Variants in ZNF385D observed in about 807,000 individuals in gnomAD.
The protein encoded by ZNF385D is zinc finger protein 659.
ZNF385D carries 15 observed loss-of-function variants against 35.8 expected under a neutral mutation model. The observed-to-expected ratio is 0.42, with a 90% CI of 0.28 to 0.64. The LOEUF (loss-of-function observed/expected upper bound fraction) is 0.64, where lower values mean the gene tolerates loss of function less well. Among genes scored for constraint, ZNF385D ranks in the 30% least tolerant of loss-of-function variants. The pLI is 0.23. For missense variants in ZNF385D, 474 were observed against 494.6 expected, an observed-to-expected ratio of 0.96 and a Z score of 0.39; for synonymous variants, 212 against 186.8, an observed-to-expected ratio of 1.13 and a Z score of -1.10.
chr3:21,518,761 C>A (rs1033911360), intron 3 of ZNF385D, among the ~76,000 whole-genome samples: 2 of 151,992 alleles, frequency 1.3e-5, no homozygotes, highest in Non-Finnish European at 2.9e-5. Context: ...TTTAACAAAA[C>A]ATTTGAAGAA....
At chr3:22,291,643 G>C (rs1020775092) in intron 2 of ZNF385D, among the ~76,000 whole-genome samples, 1 of 151,786 alleles carries the variant, frequency 6.6e-6, no homozygotes, top group African/African-American at 2.4e-5. Context: ...TTGTTTTACT[G>C]TATTACCAAG....
intron 3 of ZNF385D, among the ~76,000 whole-genome samples, chr3:22,156,276 G>A (rs890516452): frequency 1.3e-5 from 2 of 152,002 alleles, no homozygotes; most frequent in Non-Finnish European, 2.9e-5. Flanking sequence ...GAAGTAATTT[G>A]GAATAAAGTA....
At chr3:21,821,832 C>T (rs1039603852) in intron 3 of ZNF385D, among the ~76,000 whole-genome samples, 3 of 151,774 alleles carry the variant, frequency 2.0e-5, no homozygotes, top group African/African-American at 4.8e-5. Context: ...CACGGTAGCA[C>T]GTTCCTGCCT....
chr3:22,177,390 A>T (rs1327344419), intron 2 of ZNF385D, among the ~76,000 whole-genome samples: 1 of 152,184 alleles, frequency 6.6e-6, no homozygotes, highest in Non-Finnish European at 1.5e-5. Context: ...ATATCTGGTG[A>T]AAAGTTATGC....
intron 3 of ZNF385D, among the ~76,000 whole-genome samples, chr3:22,136,227 T>C (rs1048032790): frequency 6.6e-6 from 1 of 151,990 alleles, no homozygotes; most frequent in African/African-American, 2.4e-5. Flanking sequence ...CTACTAAAAA[T>C]TAAAAACAAA....
intron 2 of ZNF385D, among the ~76,000 whole-genome samples, chr3:21,582,753 T>TTTTATTTA (rs34190489): frequency 1.9e-4 from 29 of 150,724 alleles, no homozygotes; most frequent in Non-Finnish European, 2.8e-4. Context: ...TTTTTAACAC[T>TTTTATTTA]TTTATTTATT....
intron 1 of ZNF385D, among the ~76,000 whole-genome samples, chr3:21,673,213 A>G (rs2066627506): frequency 6.6e-6 from 1 of 152,168 alleles, no homozygotes; most frequent in Non-Finnish European, 1.5e-5. Context: ...TGACAGTCAC[A>G]TGTGACTATT....
At chr3:21,468,875 A>G (rs1359906636) in intron 4 of ZNF385D, among the ~76,000 whole-genome samples, 3 of 152,032 alleles carry the variant, frequency 2.0e-5, no homozygotes, top group Non-Finnish European at 2.9e-5. Flanking sequence ...ATTGCAGTGA[A>G]CCGAGATCGT....
intron 3 of ZNF385D, among the ~76,000 whole-genome samples, chr3:21,971,808 A>AGTGGC (rs1191205338): frequency 3.3e-5 from 5 of 151,986 alleles, no homozygotes; most frequent in Non-Finnish European, 5.9e-5. Flanking sequence ...AAAGAGCAGG[A>AGTGGC]GTGGCTATCC....
chr3:21,982,283 C>G (rs993024772), intron 3 of ZNF385D, among the ~76,000 whole-genome samples: 1 of 151,954 alleles, frequency 6.6e-6, no homozygotes, highest in Non-Finnish European at 1.5e-5. Flanking sequence ...TGGTAGAGAT[C>G]TTGCACCTCC....
chr3:21,547,009 CCT>C (rs1324771789), intron 3 of ZNF385D, among the ~76,000 whole-genome samples: 1 of 152,018 alleles, frequency 6.6e-6, no homozygotes. Context: ...CACTTGCTCC[CCT>C]CTTTCTAAAT....
At chr3:22,274,755 T>A (rs1210439356) in intron 2 of ZNF385D, among the ~76,000 whole-genome samples, 1 of 151,810 alleles carries the variant, frequency 6.6e-6, no homozygotes, top group Non-Finnish European at 1.5e-5. Context: ...CAAATAAATA[T>A]TGCGGCTTGG....
At chr3:22,229,025 T>G (rs1469741823) in intron 2 of ZNF385D, among the ~76,000 whole-genome samples, 1 of 152,232 alleles carries the variant, frequency 6.6e-6, no homozygotes, top group African/African-American at 2.4e-5. Flanking sequence ...CTCCTCAGCT[T>G]GCAGGAGGCC....
intron 2 of ZNF385D, among the ~76,000 whole-genome samples, chr3:21,659,557 A>G (rs1490822400): frequency 6.6e-6 from 1 of 152,122 alleles, no homozygotes; most frequent in Non-Finnish European, 1.5e-5. Context: ...GGCTCGTAGC[A>G]TTTCTGGAAG....
intron 2 of ZNF385D, among the ~76,000 whole-genome samples, chr3:22,231,926 G>C (rs945230983): frequency 6.6e-6 from 1 of 152,012 alleles, no homozygotes; most frequent in African/African-American, 2.4e-5. Context: ...CCTCTTCCCT[G>C]TTTCTCCTCC....
At chr3:21,991,306 A>G (rs905190509) in intron 3 of ZNF385D, among the ~76,000 whole-genome samples, 4 of 152,184 alleles carry the variant, frequency 2.6e-5, no homozygotes, top group Non-Finnish European at 4.4e-5. Context: ...ATAATAAACT[A>G]TTCAGTCAAG....
intron 2 of ZNF385D, among the ~76,000 whole-genome samples, chr3:22,354,366 T>C (rs1696055511): frequency 6.6e-6 from 1 of 152,142 alleles, no homozygotes; most frequent in African/African-American, 2.4e-5. Context: ...TTAGTCTTGA[T>C]AAATGTTGGC....
At chr3:22,296,103 T>C (rs1398181101) in intron 2 of ZNF385D, among the ~76,000 whole-genome samples, 3 of 152,136 alleles carry the variant, frequency 2.0e-5, no homozygotes, top group African/African-American at 7.2e-5. Context: ...TATGAATCAA[T>C]CCAATGCCAT....
chr3:21,608,660 TTTG>T (rs979357026), intron 2 of ZNF385D, among the ~76,000 whole-genome samples: 3 of 152,194 alleles, frequency 2.0e-5, no homozygotes, highest in Admixed American at 6.5e-5. Flanking sequence ...GTCTATTAGT[TTTG>T]TTGTTATTTT....
Sources: gnomAD v4.1 joint callset for allele counts (sites outside exome capture counted in the v4.1 genomes callset) on GRCh38, gnomAD v4.1.1 for gene constraint, MANE v1.5 for transcripts, NCBI Gene and HGNC (gene_info 2026-07-23, HGNC 2026-07-21) for gene names.